Variants in LAMP2 observed in about 807,000 individuals in gnomAD.
LAMP2 encodes the protein lysosome-associated membrane glycoprotein 2.
In LAMP2, 4 loss-of-function variants were observed where a neutral mutation model predicts 25.6. That is an observed-to-expected ratio of 0.16 (90% confidence interval 0.08 to 0.36). LAMP2 has a LOEUF of 0.36. Ranked by LOEUF, LAMP2 falls within the 10% of genes least tolerant of loss-of-function variation. The pLI, the probability that LAMP2 is intolerant of heterozygous loss-of-function variation, is 1.00. For synonymous variants in LAMP2, 108 were observed against 112.7 expected, an observed-to-expected ratio of 0.96 and a Z score of 0.27; for missense variants, 272 against 301.4, an observed-to-expected ratio of 0.90 and a Z score of 0.72.
chrX:120,455,930 AT>A (rs1202521831), intron 2 of LAMP2, among the ~76,000 whole-genome samples: 8 of 70,429 alleles, frequency 1.1e-4, no homozygotes. Flanking sequence ...TGCAAAAGTA[AT>A]TGCAGTTTGT....
rs73219144 is a variant in LAMP2 at position 120,442,600 on chromosome X, G to A, written c.927C>T (p.Ser309=). 41,101 of 1,203,141 alleles carry A rather than the reference G, an allele frequency of 0.034. 591 individuals are homozygous for A. The highest frequency in any genetic ancestry group is 0.044 in the Middle Eastern group (192 of 4,344). Residue 309 remains serine (S), a splice_region_variant and synonymous_variant, in exon 7 of 9, where the codon TCC becomes TCT. Coordinates refer to ENST00000200639, the MANE Select transcript of LAMP2 (RefSeq NM_002294.3). Reference sequence around the variant, plus strand: ...TCCCCAGGCCAGTGCTTTGCTTACCGGAGCCATTAACCAAATACATGCTGA... The same window carrying A: ...TCCCCAGGCCAGTGCTTTGCTTACCAGAGCCATTAACCAAATACATGCTGA... ...VNISMYLVNG[S]VFSIANNNLS...
At chrX:120,456,960 T>A (rs1602541148) in intron 1 of LAMP2, among the ~76,000 whole-genome samples, 191 bp from the exon 2 acceptor site, 1 of 110,818 alleles carries the variant, frequency 9.0e-6, no homozygotes, top group South Asian at 3.8e-4. Flanking sequence ...AGATACAGTA[T>A]CCTGCTGACT....
rs1569367217 is a variant in LAMP2 at position 120,438,726 on chromosome X, ACACAC to A, written c.1093+2999_1093+3003del. 34 of 788,323 alleles carry A rather than the reference ACACAC, an allele frequency of 4.3e-5. 1 individual carries two copies. Among genetic ancestry groups the A allele is most frequent in the East Asian group, 2.2e-4 (2 of 9,096 alleles). The allele number at this position is 788,323 out of a possible 1,213,427, so 65.0% of individuals were successfully genotyped here. A position where few individuals can be genotyped will look rare whatever the true frequency, so the allele number is the denominator to read the frequency against. On this transcript the variant is annotated intron_variant, in intron 8 of 8. Transcript: ENST00000200639. Reference sequence around the variant, plus strand: ...CACACACACACACACACACACACACACACACAAAAAGAGCAAAAGGAGCAAGTACA... The same window carrying A: ...CACACACACACACACACACACACACAAAAAAGAGCAAAAGGAGCAAGTACA...
intron 2 of LAMP2, 62 bp from the exon 3 acceptor site, chrX:120,455,632 A>T: frequency 2.3e-6 from 2 of 873,153 alleles, no homozygotes; most frequent in Non-Finnish European, 3.4e-6. Context: ...CCAAGCATTT[A>T]TGTAGGGCAT....
intron 8 of LAMP2, among the ~76,000 whole-genome samples, chrX:120,439,967 G>A (rs758559168): frequency 2.0e-3 from 225 of 111,034 alleles, no homozygotes; most frequent in African/African-American, 7.1e-3. Flanking sequence ...TCTGGTCCAA[G>A]AGCTAAAAAT....
Position 120,469,183 on chromosome X carries a change from AGGCGGCGAC to A in LAMP2, c.-23_-15del, listed in dbSNP as rs193922648. On this transcript the variant is annotated 5_prime_UTR_variant, in exon 1 of 9. Coordinates refer to ENST00000200639, the MANE Select transcript of LAMP2 (RefSeq NM_002294.3). ...GAAGCACACCATGACCCCGCAGAGC[AGGCGGCGAC>A]GGCGGCGACGGCGGCGGTACAACAA... is the stretch of plus-strand genomic sequence containing the variant. 19,817 of 1,209,919 alleles carry A rather than the reference AGGCGGCGAC, an allele frequency of 0.016. 139 individuals carry two copies. The highest frequency in any genetic ancestry group is 0.018 in the Non-Finnish European group (16,010 of 894,585).
At chrX:120,457,595 T>G (rs1921151177) in intron 1 of LAMP2, among the ~76,000 whole-genome samples, 1 of 112,344 alleles carries the variant, frequency 8.9e-6, no homozygotes, top group Non-Finnish European at 1.9e-5. Flanking sequence ...CAGAAAAGCC[T>G]TGGAACTTTT....
rs1168977589 is a variant in LAMP2 at position 120,448,036 on chromosome X, C to T, written c.557-11G>A. The T allele has an allele frequency of 8.3e-6, 10 of 1,202,948 alleles. No homozygotes were observed. Among genetic ancestry groups the T allele is most frequent in the East Asian group, 3.0e-5 (1 of 33,717 alleles). On this transcript the variant is annotated splice_polypyrimidine_tract_variant and intron_variant, in intron 4 of 8. Transcript: ENST00000200639. ...TATCACACAGGAACTCTAAAACAAG[C>T]GAAAAGGGACAAAAGAAACCAAAGC...
rs2058513088 is a variant in LAMP2 at position 120,429,253 on chromosome X, C to T, written c.*2070G>A. On this transcript the variant is annotated 3_prime_UTR_variant, in exon 9 of 9. Coordinates refer to ENST00000200639, the MANE Select transcript of LAMP2 (RefSeq NM_002294.3). ...AGTATCTAATGCGTTGCAGTCCATT[C>T]CACCGAACCACCAGGAAAGCAACAT... The T allele has an allele frequency of 1.3e-6, 1 of 749,372 alleles. No homozygotes were observed. The highest frequency in any genetic ancestry group is 2.4e-5 in the African/African-American group (1 of 42,155). The allele number at this position is 749,372 out of a possible 1,213,427, so 61.8% of individuals were successfully genotyped here.
intron 3 of LAMP2, among the ~76,000 whole-genome samples, chrX:120,455,061 A>G (rs1408731705): frequency 1.9e-5 from 2 of 103,513 alleles, no homozygotes; most frequent in African/African-American, 7.0e-5. Context: ...ATATACATAT[A>G]TATGTATATA....
chrX:120,465,178 G>A (rs1043814223), intron 1 of LAMP2, among the ~76,000 whole-genome samples: 5 of 110,857 alleles, frequency 4.5e-5, no homozygotes, highest in African/African-American at 6.6e-5. Flanking sequence ...ACCTAATATA[G>A]TGGCTGGGAC....
At chrX:120,467,730 C>T (rs145870164) in intron 1 of LAMP2, among the ~76,000 whole-genome samples, 2 of 111,947 alleles carry the variant, frequency 1.8e-5, no homozygotes, top group Non-Finnish European at 3.8e-5. Flanking sequence ...ACACAATCAG[C>T]GAACATTCAC....
chrX:120,457,363 T>G (rs1013929554), intron 1 of LAMP2, among the ~76,000 whole-genome samples: 1 of 112,163 alleles, frequency 8.9e-6, no homozygotes, highest in African/African-American at 3.2e-5. Context: ...AACGATTTTA[T>G]TCTGATGTGA....
At chrX:120,465,652 T>C (rs1339438742) in intron 1 of LAMP2, among the ~76,000 whole-genome samples, 5 of 112,079 alleles carry the variant, frequency 4.5e-5, no homozygotes, top group Non-Finnish European at 5.6e-5. Flanking sequence ...GATAGAGTTA[T>C]AAAGTTACAA....
At position 120,430,813 on chromosome X, in the gene LAMP2, A is replaced by C. The variant is rs1569365321; in HGVS notation, c.*510T>G. 1.3e-6 allele frequency: 1 copy of C among 758,595 alleles called. No individual in the cohort carries two copies. The allele number at this position is 758,595 out of a possible 1,213,427, so 62.5% of individuals were successfully genotyped here. ...GGACATTCTCTACTTCATTCAACTG[A>C]AAACCAAGTTTAAGCATATCTGATG... On this transcript the variant is annotated 3_prime_UTR_variant, in exon 9 of 9. Transcript: ENST00000200639.
chrX:120,446,227 C>T, intron 6 of LAMP2, 78 bp downstream of exon 6: 1 of 951,605 alleles, frequency 1.1e-6, no homozygotes, highest in Admixed American at 2.2e-5. Flanking sequence ...AAATACCCCC[C>T]TCCCCCCATG....
chrX:120,454,823 A>G (rs1321132775), intron 3 of LAMP2, among the ~76,000 whole-genome samples: 1 of 104,476 alleles, frequency 9.6e-6, no homozygotes, highest in African/African-American at 3.5e-5. Flanking sequence ...AACAACATCT[A>G]CTTCCCAGGG....
intron 2 of LAMP2, 41 bp downstream of exon 2, chrX:120,456,610 C>A (rs1229254228): frequency 1.5e-6 from 1 of 664,014 alleles, no homozygotes. Context: ...CAATTAAATT[C>A]CTACTATAAA....
intron 5 of LAMP2, among the ~76,000 whole-genome samples, chrX:120,447,300 C>T (rs1172486115): frequency 1.8e-5 from 2 of 111,236 alleles, no homozygotes; most frequent in East Asian, 5.6e-4. Context: ...CCCAGCTACT[C>T]GGGAGGCTGA....
Sources: gnomAD v4.1 joint callset for allele counts (sites outside exome capture counted in the v4.1 genomes callset) on GRCh38, gnomAD v4.1.1 for gene constraint, MANE v1.5 for transcripts, NCBI Gene and HGNC (gene_info 2026-07-23, HGNC 2026-07-21) for gene names.